The following KCNIP4 variants were observed in gnomAD, a reference collection of about 807,000 sequenced individuals.
The protein encoded by KCNIP4 is Kv channel-interacting protein 4.
A neutral mutation model predicts 34.0 loss-of-function variants in KCNIP4; 12 were observed. That is an observed-to-expected ratio of 0.35 (90% confidence interval 0.23 to 0.57). The LOEUF is 0.57. KCNIP4 is among the 20% of genes least tolerant of loss of function. The pLI is 0.83. For synonymous variants in KCNIP4, 124 were observed against 102.2 expected, an observed-to-expected ratio of 1.21 and a Z score of -1.29; for missense variants, 238 against 311.7, an observed-to-expected ratio of 0.76 and a Z score of 1.78.
chr4:21,373,076 C>G (rs965445679), intron 1 of KCNIP4, among the ~76,000 whole-genome samples: 2 of 19,864 alleles, frequency 1.0e-4, no homozygotes, highest in Admixed American at 2.9e-4. Context: ...GCTCAGTGAA[C>G]AGATTAAAAA....
intron 1 of KCNIP4, among the ~76,000 whole-genome samples, chr4:21,207,492 T>G (rs1756929667): frequency 6.6e-6 from 1 of 152,226 alleles, no homozygotes; most frequent in African/African-American, 2.4e-5. Flanking sequence ...CACACACTTA[T>G]GTACATGTCT....
At chr4:21,319,861 T>C (rs1188741513) in intron 1 of KCNIP4, among the ~76,000 whole-genome samples, 1 of 152,150 alleles carries the variant, frequency 6.6e-6, no homozygotes, top group Non-Finnish European at 1.5e-5. Context: ...CTTGATGAGT[T>C]CATGATTAGC....
intron 1 of KCNIP4, among the ~76,000 whole-genome samples, chr4:21,486,332 C>T (rs1207477331): frequency 3.9e-5 from 6 of 152,122 alleles, no homozygotes; most frequent in African/African-American, 9.6e-5. Context: ...GATTGGGACA[C>T]GGATTTAGTA....
chr4:21,689,245 T>C (rs557114677), intron 1 of KCNIP4, among the ~76,000 whole-genome samples: 39 of 152,346 alleles, frequency 2.6e-4, no homozygotes, highest in Non-Finnish European at 4.9e-4. Context: ...TATTTATTCC[T>C]AATTACCAGG....
intron 1 of KCNIP4, among the ~76,000 whole-genome samples, chr4:21,294,415 A>G (rs944417574): frequency 1.3e-5 from 2 of 152,184 alleles, no homozygotes; most frequent in East Asian, 1.9e-4. Context: ...TAGTTTTATA[A>G]GAATCCTTGT....
intron 1 of KCNIP4, among the ~76,000 whole-genome samples, chr4:21,542,092 G>A (rs1192189658): frequency 6.6e-6 from 1 of 152,198 alleles, no homozygotes; most frequent in Non-Finnish European, 1.5e-5. Flanking sequence ...AGCTAAGTAA[G>A]AGAACATGTA....
At chr4:21,862,817 C>G (rs551835666) in intron 1 of KCNIP4, among the ~76,000 whole-genome samples, 1 of 151,978 alleles carries the variant, frequency 6.6e-6, no homozygotes, top group South Asian at 2.1e-4. Context: ...AAAAATTAGC[C>G]GGGCGTGGTG....
chr4:21,852,835 A>G (rs1036097318), intron 1 of KCNIP4: 1 of 152,186 alleles, frequency 6.6e-6, no homozygotes, highest in Non-Finnish European at 1.5e-5. Context: ...GTTGGTACAC[A>G]ATTCCAAAAT....
rs184179950 is a variant in KCNIP4, at chr4:21,439,019, G to T, written c.61+509552C>A. On this transcript the variant is annotated intron_variant, in intron 1 of 8. Transcript: ENST00000382152. ...CTACTAAAAATACGAAAAATTAACC[G>T]GGCGTGGCGGCGGGCGCCTGTAGTC... 2.6e-4 allele frequency among the ~76,000 whole-genome samples: 40 copies of T among 152,154 alleles called. No individual in the cohort carries two copies. The East Asian group carries it at 7.8e-3, about 30-fold the overall frequency.
intron 1 of KCNIP4, among the ~76,000 whole-genome samples, chr4:21,897,250 A>T (rs914872726): frequency 4.6e-5 from 7 of 151,502 alleles, no homozygotes; most frequent in Non-Finnish European, 7.4e-5. Flanking sequence ...GAGAATAAGA[A>T]TTTTTTTTTC....
At chr4:20,986,681 T>C (rs528239261) in intron 1 of KCNIP4, among the ~76,000 whole-genome samples, 241 of 152,310 alleles carry the variant, frequency 1.6e-3, no homozygotes, top group African/African-American at 5.5e-3. Flanking sequence ...ATCAGCAGAT[T>C]TCAGCAAATA....
intron 1 of KCNIP4, among the ~76,000 whole-genome samples, chr4:21,873,948 C>A (rs922509505): frequency 2.6e-5 from 4 of 152,230 alleles, no homozygotes; most frequent in African/African-American, 7.2e-5. Flanking sequence ...TCTACCTCCC[C>A]ATGCATTTTG....
At chr4:21,542,038 A>G (rs963542697) in intron 1 of KCNIP4, among the ~76,000 whole-genome samples, 3 of 152,174 alleles carry the variant, frequency 2.0e-5, no homozygotes, top group Non-Finnish European at 4.4e-5. Flanking sequence ...GCTTTCTTTC[A>G]TATCTTTTAG....
At chr4:20,733,981 G>C (rs1229853637) in intron 6 of KCNIP4, among the ~76,000 whole-genome samples, 1 of 152,072 alleles carries the variant, frequency 6.6e-6, no homozygotes, top group Admixed American at 6.6e-5. Context: ...ACTCAATTCT[G>C]GGGAAGTCTC....
intron 1 of KCNIP4, among the ~76,000 whole-genome samples, chr4:21,457,841 A>G (rs1466831473): frequency 2.6e-5 from 4 of 152,066 alleles, no homozygotes; most frequent in Admixed American, 2.6e-4. Context: ...CTAACATGAC[A>G]TTCTCTGAAC....
intron 1 of KCNIP4, among the ~76,000 whole-genome samples, chr4:21,757,198 GGAAAGAAAGAAA>G (rs1184733064): frequency 1.8e-3 from 72 of 39,520 alleles, no homozygotes; most frequent in East Asian, 5.9e-3. Flanking sequence ...AAGGAAGGAA[GGAAAGAAAGAAA>G]GAAAGAAAGA....
At chr4:21,323,701 TG>T (rs1714737004) in intron 1 of KCNIP4, among the ~76,000 whole-genome samples, 1 of 152,098 alleles carries the variant, frequency 6.6e-6, no homozygotes. Flanking sequence ...TCTTGGATAT[TG>T]TGAATAGTGC....
At chr4:21,394,631 T>C (rs1239487330) in intron 1 of KCNIP4, among the ~76,000 whole-genome samples, 1 of 152,114 alleles carries the variant, frequency 6.6e-6, no homozygotes, top group Non-Finnish European at 1.5e-5. Context: ...AAGAGCAATA[T>C]ACACTGGGAA....
intron 1 of KCNIP4, among the ~76,000 whole-genome samples, chr4:21,103,950 T>A (rs1196312510): frequency 6.6e-6 from 1 of 152,086 alleles, no homozygotes; most frequent in African/African-American, 2.4e-5. Context: ...TTCCATGGTG[T>A]ACATGGGCCA....
Sources: gnomAD v4.1 joint callset for allele counts (sites outside exome capture counted in the v4.1 genomes callset) on GRCh38, gnomAD v4.1.1 for gene constraint, MANE v1.5 for transcripts, NCBI Gene and HGNC (gene_info 2026-07-23, HGNC 2026-07-21) for gene names.